GABRA3: variants seen among roughly 807,000 people sequenced by gnomAD.
GABRA3 encodes the protein gamma-aminobutyric acid type A receptor subunit alpha3, also known as gamma-aminobutyric acid receptor subunit alpha-3.
GABRA3 carries 10 observed loss-of-function variants against 30.1 expected under a neutral mutation model. The observed-to-expected ratio is 0.33, with a 90% CI of 0.20 to 0.56. GABRA3 has a LOEUF of 0.56. Ranked by LOEUF, GABRA3 falls within the 20% of genes least tolerant of loss-of-function variation. The probability of loss-of-function intolerance (pLI) is 0.89; values close to 1 mark genes in which losing one functional copy is unlikely to be tolerated. For synonymous variants in GABRA3, 151 were observed against 146.8 expected, an observed-to-expected ratio of 1.03 and a Z score of -0.21; for missense variants, 233 against 392.0, an observed-to-expected ratio of 0.59 and a Z score of 3.42.
rs138231379 is a variant in GABRA3 at position 152,270,292 on chromosome X, A to C, written c.331-14294T>G. On this transcript the variant is annotated intron_variant, in intron 4 of 9. Transcript: ENST00000370314. ...CTTGACACTTCTCTCTTCTGCCAGC[A>C]TGTGAAGAAGGACGTGTTTGCTTCC... Among the ~76,000 whole-genome samples the C allele has an allele frequency of 6.4e-3, 716 of 111,279 alleles. 3 individuals are homozygous for C. The highest frequency in any genetic ancestry group is 9.2e-3 in the Non-Finnish European group (489 of 53,052).
At chrX:152,313,952 CA>C (rs1397643614) in intron 3 of GABRA3, among the ~76,000 whole-genome samples, 1 of 111,372 alleles carries the variant, frequency 9.0e-6, no homozygotes, top group African/African-American at 3.3e-5. Flanking sequence ...TGGTCATTAA[CA>C]CTATTTAAGA....
intron 1 of GABRA3, among the ~76,000 whole-genome samples, chrX:152,415,609 G>A (rs1406413856): frequency 9.0e-6 from 1 of 110,751 alleles, no homozygotes; most frequent in East Asian, 2.8e-4. Context: ...ACACAAAAAA[G>A]AGCACACATC....
chrX:152,215,508 G>C (rs1443853242), intron 6 of GABRA3, among the ~76,000 whole-genome samples: 3 of 110,977 alleles, frequency 2.7e-5, no homozygotes, highest in African/African-American at 9.8e-5. Flanking sequence ...AATCCCACTT[G>C]TCTTTTCAAC....
chrX:152,196,311 C>T (rs1350136650), intron 8 of GABRA3, among the ~76,000 whole-genome samples: 5 of 103,395 alleles, frequency 4.8e-5, no homozygotes, highest in East Asian at 6.0e-4. Flanking sequence ...GCAGGAGAAT[C>T]GCTTGAACCT....
At chrX:152,297,325 C>A (rs1481475182) in intron 3 of GABRA3, among the ~76,000 whole-genome samples, 2 of 112,252 alleles carry the variant, frequency 1.8e-5, no homozygotes, top group East Asian at 2.8e-4. Context: ...ACTGGCCCTA[C>A]AAAAGCACTG....
intron 3 of GABRA3, among the ~76,000 whole-genome samples, chrX:152,328,198 C>T (rs1482058345): frequency 9.0e-6 from 1 of 111,335 alleles, no homozygotes; most frequent in African/African-American, 3.3e-5. Flanking sequence ...GAAATTGAGG[C>T]AATAATTAAT....
intron 3 of GABRA3, among the ~76,000 whole-genome samples, chrX:152,303,616 G>A (rs978456894): frequency 8.9e-6 from 1 of 111,942 alleles, no homozygotes; most frequent in African/African-American, 3.2e-5. Context: ...TATACCCATG[G>A]AATACCATGC....
At chrX:152,291,424 G>C (rs1241191402) in intron 3 of GABRA3, among the ~76,000 whole-genome samples, 1 of 111,471 alleles carries the variant, frequency 9.0e-6, no homozygotes, top group Non-Finnish European at 1.9e-5. Flanking sequence ...GAGATGATGG[G>C]GTCTTCTAAA....
chrX:152,433,448 G>T (rs1254045111), intron 1 of GABRA3, among the ~76,000 whole-genome samples: 1 of 108,542 alleles, frequency 9.2e-6, no homozygotes, highest in Non-Finnish European at 1.9e-5. Flanking sequence ...CCAACTTACA[G>T]ATATCAATTA....
intron 3 of GABRA3, among the ~76,000 whole-genome samples, chrX:152,316,995 T>C (rs1043822069): frequency 3.6e-5 from 4 of 111,985 alleles, no homozygotes; most frequent in Non-Finnish European, 7.5e-5. Context: ...ATGATTGGAA[T>C]AGTAGCTCAC....
intron 5 of GABRA3, among the ~76,000 whole-genome samples, chrX:152,249,149 G>A (rs918532775): frequency 9.1e-6 from 1 of 110,339 alleles, no homozygotes; most frequent in African/African-American, 3.3e-5. Context: ...TTTGTTCTAC[G>A]GAAATGTTAA....
intron 1 of GABRA3, among the ~76,000 whole-genome samples, chrX:152,444,828 G>A (rs1237674690): frequency 1.1e-5 from 1 of 89,867 alleles, no homozygotes; most frequent in Non-Finnish European, 2.2e-5. Context: ...TTGGGAGGCC[G>A]AGGCGGGCGG....
chrX:152,433,929 G>A (rs1930712447), intron 1 of GABRA3, among the ~76,000 whole-genome samples: 1 of 111,556 alleles, frequency 9.0e-6, no homozygotes, highest in African/African-American at 3.3e-5. Flanking sequence ...AGATGAAACA[G>A]GCAGAATATT....
intron 1 of GABRA3, among the ~76,000 whole-genome samples, chrX:152,390,063 T>C (rs909219253): frequency 2.7e-5 from 3 of 111,759 alleles, no homozygotes; most frequent in African/African-American, 9.8e-5. Context: ...CAACACAGTA[T>C]ATATTTAAAT....
chrX:152,276,897 T>C (rs1217717765), intron 4 of GABRA3, among the ~76,000 whole-genome samples: 3 of 111,937 alleles, frequency 2.7e-5, no homozygotes, highest in Non-Finnish European at 5.6e-5. Flanking sequence ...AAAAGCAACT[T>C]CACGGTTGTG....
chrX:152,315,337 G>A (rs12014383), intron 3 of GABRA3, among the ~76,000 whole-genome samples: 23,349 of 110,225 alleles, frequency 0.21, 2,272 homozygotes, highest in African/African-American at 0.38. Context: ...AGGAAGCAGC[G>A]GGAAGTCCTG....
chrX:152,301,523 T>C (rs1242171903), intron 3 of GABRA3, among the ~76,000 whole-genome samples: 1 of 111,750 alleles, frequency 8.9e-6, no homozygotes, highest in African/African-American at 3.3e-5. Flanking sequence ...AACCTTGTCC[T>C]ATGTTTTTTT....
intron 3 of GABRA3, among the ~76,000 whole-genome samples, chrX:152,340,741 A>ACTC (rs1940301633): frequency 9.0e-6 from 1 of 111,030 alleles, no homozygotes; most frequent in South Asian, 3.8e-4. Flanking sequence ...TTTGCTTTTC[A>ACTC]GATTTTCTTT....
chrX:152,227,163 A>C (rs1243741131), intron 5 of GABRA3, among the ~76,000 whole-genome samples: 2 of 109,711 alleles, frequency 1.8e-5, no homozygotes, highest in African/African-American at 3.3e-5. Context: ...CTGGATTAAG[A>C]AAATGTGGCA....
Sources: gnomAD v4.1 joint callset for allele counts (sites outside exome capture counted in the v4.1 genomes callset) on GRCh38, gnomAD v4.1.1 for gene constraint, MANE v1.5 for transcripts, NCBI Gene and HGNC (gene_info 2026-07-23, HGNC 2026-07-21) for gene names.